The following HS6ST3 variants were observed in gnomAD, a reference collection of about 807,000 sequenced individuals.
The protein encoded by HS6ST3 is heparan-sulfate 6-O-sulfotransferase 3.
A neutral mutation model predicts 36.7 loss-of-function variants in HS6ST3; 12 were observed. The ratio of observed to expected loss-of-function variants is 0.33; its 90% CI spans 0.21 to 0.53. The LOEUF (loss-of-function observed/expected upper bound fraction) is 0.53, where lower values mean the gene tolerates loss of function less well. Ranked by LOEUF, HS6ST3 falls within the 20% of genes least tolerant of loss-of-function variation. The probability of loss-of-function intolerance (pLI) is 0.95; values close to 1 mark genes in which losing one functional copy is unlikely to be tolerated. For synonymous variants in HS6ST3, 240 were observed against 257.5 expected, an observed-to-expected ratio of 0.93 and a Z score of 0.65; for missense variants, 584 against 640.9, an observed-to-expected ratio of 0.91 and a Z score of 0.96.
rs536666088 is a variant in HS6ST3 at position 96,374,563 on chromosome 13, C to T, written c.707+282994C>T. ...TCCCTCCAATGGGCTTGCAGGAACA[C>T]TCCTTGTCCTTTTTCATTTCCATCT... On this transcript the variant is annotated intron_variant, in intron 1 of 1. Coordinates refer to ENST00000376705, the MANE Select transcript of HS6ST3 (RefSeq NM_153456.4). Among the ~76,000 whole-genome samples the T allele has an allele frequency of 3.9e-5, 6 of 152,276 alleles. No homozygotes were observed. The South Asian group carries it at 1.0e-3, about 26-fold the overall frequency.
intron 1 of HS6ST3, among the ~76,000 whole-genome samples, chr13:96,785,978 A>G (rs1472020241): frequency 6.6e-6 from 1 of 152,140 alleles, no homozygotes; most frequent in Non-Finnish European, 1.5e-5. Flanking sequence ...AATAATAACA[A>G]CAAAAACCTA....
rs1227557157 is a variant in HS6ST3, at chr13:96,836,335, T to G, written c.*3137T>G. On this transcript the variant is annotated 3_prime_UTR_variant, in exon 2 of 2. Transcript: ENST00000376705. ...AACTTTGTGTATATGTGCACGTGTG[T>G]GGTGTGTGTGTGTTTTATTAAGGAC... 1 of 152,172 alleles carries G rather than the reference T, an allele frequency of 6.6e-6. No individual in the cohort carries two copies. Among genetic ancestry groups the G allele is most frequent in the African/African-American group, 2.4e-5 (1 of 41,432 alleles). 9.4% of individuals were successfully genotyped at this position (152,172 alleles called of 1,614,324 possible). A position where few individuals can be genotyped will look rare whatever the true frequency, so the allele number is the denominator to read the frequency against.
At chr13:96,531,305 T>C (rs907733012) in intron 1 of HS6ST3, among the ~76,000 whole-genome samples, 4 of 152,220 alleles carry the variant, frequency 2.6e-5, no homozygotes, top group Admixed American at 2.6e-4. Flanking sequence ...AAACGAGAAG[T>C]TAAATGGATT....
At chr13:96,488,822 A>G (rs1247866403) in intron 1 of HS6ST3, among the ~76,000 whole-genome samples, 1 of 152,062 alleles carries the variant, frequency 6.6e-6, no homozygotes, top group African/African-American at 2.4e-5. Flanking sequence ...CATATATTCA[A>G]TCTTACTTTC....
At chr13:96,601,931 G>A (rs2056423122) in intron 1 of HS6ST3, among the ~76,000 whole-genome samples, 1 of 152,168 alleles carries the variant, frequency 6.6e-6, no homozygotes, top group Admixed American at 6.5e-5. Flanking sequence ...GGTTATAGTA[G>A]TGATGTGCTG....
chr13:96,821,160 C>T (rs551533357), intron 1 of HS6ST3, among the ~76,000 whole-genome samples: 1 of 152,334 alleles, frequency 6.6e-6, no homozygotes, highest in Admixed American at 6.5e-5. Context: ...TTCTTCTAAG[C>T]TGTATATATT....
intron 1 of HS6ST3, among the ~76,000 whole-genome samples, chr13:96,184,579 A>C (rs2054256914): frequency 6.6e-6 from 1 of 151,972 alleles, no homozygotes; most frequent in Non-Finnish European, 1.5e-5. Flanking sequence ...TTCTTCAATC[A>C]TGTCCTTTCT....
chr13:96,593,186 T>TC (rs1356286687), intron 1 of HS6ST3, among the ~76,000 whole-genome samples: 2 of 101,370 alleles, frequency 2.0e-5, no homozygotes, highest in African/African-American at 7.5e-5. Context: ...TTTTTTTTTT[T>TC]TTTTTTTTTT....
intron 1 of HS6ST3, among the ~76,000 whole-genome samples, chr13:96,787,540 ATATGT>A (rs1326652349): frequency 6.6e-6 from 1 of 152,058 alleles, no homozygotes; most frequent in Non-Finnish European, 1.5e-5. Flanking sequence ...TAATGTTGAG[ATATGT>A]TATATGCTTA....
At chr13:96,102,505 T>C (rs2053823029) in intron 1 of HS6ST3, among the ~76,000 whole-genome samples, 1 of 151,984 alleles carries the variant, frequency 6.6e-6, no homozygotes, top group African/African-American at 2.4e-5. Flanking sequence ...AAAATAAAAA[T>C]AGTTAACTCT....
At chr13:96,569,230 A>G (rs1406990225) in intron 1 of HS6ST3, among the ~76,000 whole-genome samples, 1 of 152,220 alleles carries the variant, frequency 6.6e-6, no homozygotes, top group Non-Finnish European at 1.5e-5. Flanking sequence ...TGATAATGTG[A>G]CAGAAAGAAG....
rs576833186 is a variant in HS6ST3 at position 96,626,030 on chromosome 13, G to A, written c.708-206460G>A. Among the ~76,000 whole-genome samples, 3 of 151,070 alleles carry A rather than the reference G, an allele frequency of 2.0e-5. No homozygotes were observed. In the East Asian group the frequency reaches 5.9e-4, roughly 29 times the overall value. On this transcript the variant is annotated intron_variant, in intron 1 of 1. Coordinates refer to ENST00000376705, the MANE Select transcript of HS6ST3 (RefSeq NM_153456.4). ...TTTTTGTATTTTTTTTTTTAGTAGA[G>A]ACGAGGCTTCACCATGTTAGCCAGC...
At chr13:96,751,586 A>G (rs1402175476) in intron 1 of HS6ST3, among the ~76,000 whole-genome samples, 1 of 152,136 alleles carries the variant, frequency 6.6e-6, no homozygotes, top group Non-Finnish European at 1.5e-5. Context: ...TAGAAAACCA[A>G]TATAGACAGA....
At chr13:96,376,633 A>G (rs555229535) in intron 1 of HS6ST3, among the ~76,000 whole-genome samples, 91 of 152,162 alleles carry the variant, frequency 6.0e-4, no homozygotes, top group Non-Finnish European at 1.2e-3. Context: ...CTATGATATT[A>G]TCTATGACCT....
chr13:96,129,729 C>G (rs927478155), intron 1 of HS6ST3, among the ~76,000 whole-genome samples: 2 of 152,130 alleles, frequency 1.3e-5, no homozygotes, highest in African/African-American at 4.8e-5. Flanking sequence ...AGAGTCTTTA[C>G]CAAGTTAAAA....
At chr13:96,390,017 T>G (rs1215213977) in intron 1 of HS6ST3, among the ~76,000 whole-genome samples, 3 of 152,144 alleles carry the variant, frequency 2.0e-5, no homozygotes, top group Admixed American at 2.0e-4. Context: ...TTCTTTCTCT[T>G]TTTTTTGTAG....
intron 1 of HS6ST3, among the ~76,000 whole-genome samples, chr13:96,682,654 G>T (rs763818189): frequency 4.6e-5 from 7 of 152,058 alleles, no homozygotes; most frequent in Non-Finnish European, 1.0e-4. Flanking sequence ...TTTTCATTAA[G>T]CTAAAGTGCT....
At chr13:96,368,513 A>C (rs1925102) in intron 1 of HS6ST3, among the ~76,000 whole-genome samples, 3 of 145,850 alleles carry the variant, frequency 2.1e-5, no homozygotes, top group Admixed American at 6.9e-5. Flanking sequence ...TTTTTTTTTT[A>C]AAAAAAAAAC....
chr13:96,176,832 A>T (rs2054214647), intron 1 of HS6ST3, among the ~76,000 whole-genome samples: 1 of 152,218 alleles, frequency 6.6e-6, no homozygotes, highest in Admixed American at 6.5e-5. Flanking sequence ...GTGTAAACAG[A>T]CAACCTACAG....
Sources: gnomAD v4.1 joint callset for allele counts (sites outside exome capture counted in the v4.1 genomes callset) on GRCh38, gnomAD v4.1.1 for gene constraint, MANE v1.5 for transcripts, NCBI Gene and HGNC (gene_info 2026-07-23, HGNC 2026-07-21) for gene names.